CDK5RAP2: variants seen among roughly 807,000 people sequenced by gnomAD.
CDK5RAP2 encodes the protein CDK5 regulatory subunit associated protein 2.
In CDK5RAP2, 147 loss-of-function variants were observed where a neutral mutation model predicts 232.9. The ratio of observed to expected loss-of-function variants is 0.63; its 90% CI spans 0.55 to 0.72. CDK5RAP2 has a LOEUF of 0.72. Among genes scored for constraint, CDK5RAP2 ranks in the 30% least tolerant of loss-of-function variants. CDK5RAP2 has a pLI of 0.00. For synonymous variants in CDK5RAP2, 833 were observed against 833.7 expected (o/e 1.00, Z 0.01); for missense variants, 2,195 against 2,231.5 (o/e 0.98, Z 0.33).
intron 12 of CDK5RAP2, among the ~76,000 whole-genome samples, chr9:120,497,421 T>TAAAAAAAAAAA (rs71385064): frequency 7.3e-4 from 17 of 23,296 alleles, no homozygotes; most frequent in African/African-American, 1.3e-3. Flanking sequence ...AAAATAAATT[T>TAAAAAAAAAAA]AAAAAAAAAA....
At chr9:120,423,314 C>T (rs758569762) in intron 25 of CDK5RAP2, among the ~76,000 whole-genome samples, 9 of 152,172 alleles carry the variant, frequency 5.9e-5, no homozygotes, top group Non-Finnish European at 1.3e-4. Context: ...ACACTTAGGT[C>T]ATTTGCAAAT....
At chr9:120,411,587 C>T (rs1004025696) in intron 28 of CDK5RAP2, 113 bp from the exon 29 acceptor site, 2 of 695,730 alleles carry the variant, frequency 2.9e-6, no homozygotes, top group African/African-American at 1.8e-5. Context: ...AATGAAAATC[C>T]CTCCTGTTAA....
intron 26 of CDK5RAP2, 152 bp from the exon 27 acceptor site, chr9:120,420,112 C>A: frequency 2.9e-6 from 2 of 690,688 alleles, no homozygotes; most frequent in South Asian, 1.7e-5. Context: ...CAGCATTAAG[C>A]AATGACATTC....
intron 12 of CDK5RAP2, among the ~76,000 whole-genome samples, chr9:120,499,861 AG>A (rs2039492505): frequency 6.6e-6 from 1 of 152,202 alleles, no homozygotes; most frequent in Non-Finnish European, 1.5e-5. Context: ...ATTTTTATAC[AG>A]TTTTTAAGTT....
At position 120,419,827 on chromosome 9, in the gene CDK5RAP2, T is replaced by G. The variant is rs991828787; in HGVS notation, c.4138A>C (p.Thr1380Pro). The part of the protein sequence containing the change: ...FSRDQKQDNE[T>P]EKTSVMVNSF... ...TTCACCATAACTGAAGTCTTCTCTG[T>G]CTCATTATCTTGCTTCTGGTCTCGT... The change falls in exon 27 of 38, where the codon ACA becomes CCA. Residue 1380 changes from threonine (T) to proline (P), a missense_variant. Physicochemically the swap from Thr to Pro is conservative, Grantham distance 38 (BLOSUM62 -1). Coordinates refer to ENST00000349780, the MANE Select transcript of CDK5RAP2 (RefSeq NM_018249.6). The G allele has an allele frequency of 1.9e-5, 31 of 1,613,970 alleles. No individual in the cohort carries two copies. The highest frequency in any genetic ancestry group is 2.7e-5 in the African/African-American group (2 of 74,944).
chr9:120,569,664 C>T (rs1246779044), intron 2 of CDK5RAP2, among the ~76,000 whole-genome samples: 1 of 152,156 alleles, frequency 6.6e-6, no homozygotes, highest in Non-Finnish European at 1.5e-5. Flanking sequence ...TAAACAGGGA[C>T]AGACTGTATA....
intron 35 of CDK5RAP2, among the ~76,000 whole-genome samples, chr9:120,395,004 C>T (rs1031411976): frequency 1.3e-5 from 2 of 152,170 alleles, no homozygotes; most frequent in Non-Finnish European, 2.9e-5. Context: ...CAAGGATGTT[C>T]GTCTCAGCAT....
At chr9:120,478,163 C>T (rs987621529) in intron 14 of CDK5RAP2, among the ~76,000 whole-genome samples, 3 of 152,220 alleles carry the variant, frequency 2.0e-5, no homozygotes, top group Admixed American at 2.0e-4. Flanking sequence ...GTATTCTCAC[C>T]TGTAAAACTG....
intron 6 of CDK5RAP2, among the ~76,000 whole-genome samples, chr9:120,537,397 C>T (rs2041439064): frequency 6.6e-6 from 1 of 152,118 alleles, no homozygotes; most frequent in African/African-American, 2.4e-5. Flanking sequence ...ACAGTGCCGC[C>T]CCCACCACTA....
intron 19 of CDK5RAP2, among the ~76,000 whole-genome samples, chr9:120,460,083 G>A (rs2036999959): frequency 6.6e-6 from 1 of 152,136 alleles, no homozygotes; most frequent in African/African-American, 2.4e-5. Flanking sequence ...TCCAGATGAG[G>A]AGATTGCAGA....
At chr9:120,435,332 G>A (rs2035513459) in intron 25 of CDK5RAP2, among the ~76,000 whole-genome samples, 1 of 152,212 alleles carries the variant, frequency 6.6e-6, no homozygotes, top group Admixed American at 6.5e-5. Flanking sequence ...GATGTTGTCA[G>A]AGCCAGGGTT....
chr9:120,440,017 C>T (rs1421103292), intron 23 of CDK5RAP2, 45 bp from the exon 24 acceptor site: 4 of 1,553,350 alleles, frequency 2.6e-6, no homozygotes, highest in Admixed American at 3.4e-5. Context: ...TTACTAAAAT[C>T]CAAACCCTCT....
intron 14 of CDK5RAP2, among the ~76,000 whole-genome samples, chr9:120,485,912 C>G (rs2038575569): frequency 6.6e-6 from 1 of 152,200 alleles, no homozygotes; most frequent in African/African-American, 2.4e-5. Flanking sequence ...TAAGTCCATG[C>G]TGACGCTCTC....
chr9:120,467,954 T>C lies in CDK5RAP2; in HGVS notation c.2012A>G (p.Asn671Ser). 1.2e-6 allele frequency: 2 copies of C among 1,614,102 alleles called. No homozygotes were observed. Among genetic ancestry groups the C allele is most frequent in the Non-Finnish European group, 1.7e-6 (2 of 1,179,934 alleles). ...IQLVKELYTD[N>S]QHLKKTIFDL... Reference sequence around the variant, plus strand: ...AAAAATGGTTTTCTTCAGGTGCTGGTTGTCTGTATACAGCTCCTTCACTAG... The same window carrying C: ...AAAAATGGTTTTCTTCAGGTGCTGGCTGTCTGTATACAGCTCCTTCACTAG... Residue 671 changes from asparagine (N) to serine (S), a missense_variant, in exon 18 of 38, where the codon AAC becomes AGC. Transcript: ENST00000349780.
At chr9:120,567,115 C>T (rs1344775750) in intron 3 of CDK5RAP2, among the ~76,000 whole-genome samples, 1 of 152,192 alleles carries the variant, frequency 6.6e-6, no homozygotes, top group East Asian at 1.9e-4. Flanking sequence ...CAGGAACAAC[C>T]ATTTAATAGT....
chr9:120,464,840 AT>A (rs140062072), intron 18 of CDK5RAP2, among the ~76,000 whole-genome samples: 2,286 of 152,316 alleles, frequency 0.015, 55 homozygotes, highest in African/African-American at 0.052. Context: ...TTTATAAATC[AT>A]GTAAATCTCA....
rs1450400749 is a variant in CDK5RAP2, at chr9:120,409,332, G to C, written c.4415-16C>G. ...TTCTGTTTATCTGCAAACATAAAAA[G>C]GTGCCACTGAGAAGGGCCACCATTT... On this transcript the variant is annotated splice_polypyrimidine_tract_variant and intron_variant, in intron 29 of 37. Transcript: ENST00000349780. 3.8e-6 allele frequency: 6 copies of C among 1,562,014 alleles called. No individual in the cohort carries two copies. The highest frequency in any genetic ancestry group is 1.4e-5 in the African/African-American group (1 of 73,616).
intron 1 of CDK5RAP2, among the ~76,000 whole-genome samples, chr9:120,573,185 C>T (rs2042914496): frequency 2.0e-5 from 3 of 152,114 alleles, no homozygotes; most frequent in Non-Finnish European, 4.4e-5. Context: ...TGGAATGTAC[C>T]TTCAAGATCA....
At chr9:120,417,359 C>T (rs1414218519) in intron 27 of CDK5RAP2, among the ~76,000 whole-genome samples, 2 of 152,136 alleles carry the variant, frequency 1.3e-5, no homozygotes, top group African/African-American at 2.4e-5. Context: ...CGGCACTGCA[C>T]CTCCACACTC....
Sources: gnomAD v4.1 joint callset for allele counts (sites outside exome capture counted in the v4.1 genomes callset) on GRCh38, gnomAD v4.1.1 for gene constraint, MANE v1.5 for transcripts, NCBI Gene and HGNC (gene_info 2026-07-23, HGNC 2026-07-21) for gene names.